The following R3HCC1 variants were observed in gnomAD, a reference collection of about 807,000 sequenced individuals.
R3HCC1 encodes R3H and coiled-coil domain-containing protein 1.
In R3HCC1, 32 loss-of-function variants were observed where a neutral mutation model predicts 40.0. That is an observed-to-expected ratio of 0.80 (90% confidence interval 0.60 to 1.07). R3HCC1 has a LOEUF of 1.07. R3HCC1 is among the 50% of genes least tolerant of loss of function. The probability of loss-of-function intolerance (pLI) is 0.00; values close to 1 mark genes in which losing one functional copy is unlikely to be tolerated. For missense variants in R3HCC1, 586 were observed against 563.3 expected (o/e 1.04, Z -0.41); for synonymous variants, 237 against 232.8 (o/e 1.02, Z -0.17).
chr8:23,288,276 G>T (rs2117117509), intron 1 of R3HCC1, 119 bp downstream of exon 1: 2 of 1,133,812 alleles, frequency 1.8e-6, no homozygotes, highest in South Asian at 1.6e-5. Flanking sequence ...GCAGCGCAGG[G>T]TGTGGAGCCA....
At chr8:23,288,809 A>T (rs1009594828) in intron 2 of R3HCC1, among the ~76,000 whole-genome samples, 176 bp downstream of exon 2, 13 of 152,134 alleles carry the variant, frequency 8.5e-5, no homozygotes, top group Admixed American at 8.5e-4. Context: ...CATCACCCCC[A>T]GACTGATGGG....
intron 7 of R3HCC1, 105 bp downstream of exon 7, chr8:23,294,969 C>T (rs1242382736): frequency 2.3e-6 from 2 of 857,750 alleles, no homozygotes; most frequent in Non-Finnish European, 3.8e-6. Context: ...CAGGGTCTTC[C>T]CCTCTGTTAA....
At chr8:23,288,196 C>A in intron 1 of R3HCC1, 39 bp downstream of exon 1, 1 of 1,203,826 alleles carries the variant, frequency 8.3e-7, no homozygotes, top group South Asian at 1.6e-5. Flanking sequence ...CGTCCCGACC[C>A]CCGGGCTCCC....
In R3HCC1 at chr8:23,290,143, G is replaced by A; in HGVS notation, c.526G>A (p.Gly176Arg). Reference sequence around the variant, plus strand: ...AGAAGAGCCTGGAGATGTTGGTGCTGGAGACCCCAACTCTGATCAGGGACT... The same window carrying A: ...AGAAGAGCCTGGAGATGTTGGTGCTAGAGACCCCAACTCTGATCAGGGACT... Residue 176 changes from glycine to arginine, a missense_variant, in exon 4 of 8, where the codon GGA becomes AGA. Gly to Arg is a moderately radical substitution (Grantham distance 125). Transcript: ENST00000265806. 4 of 1,551,572 alleles carry A rather than the reference G, an allele frequency of 2.6e-6. No homozygotes were observed. The highest frequency in any genetic ancestry group is 3.5e-6 in the Non-Finnish European group (4 of 1,146,980).
Position 23,288,495 on chromosome 8 carries a change from C to G in R3HCC1, c.-18-11C>G. 6.5e-7 allele frequency: 1 copy of G among 1,535,760 alleles called. No individual in the cohort carries two copies. The highest frequency in any genetic ancestry group is 8.7e-7 in the Non-Finnish European group (1 of 1,146,672). ...TGCTCTGATTCCCGGCCCTGCCCGT[C>G]TCTCTTACAGGCTCTCCCACCTGTC... On this transcript the variant is annotated splice_polypyrimidine_tract_variant and intron_variant, in intron 1 of 7. Transcript: ENST00000265806.
chr8:23,290,473 A>T lies in R3HCC1; in HGVS notation c.852+4A>T. On this transcript the variant is annotated splice_donor_region_variant and intron_variant, in intron 4 of 7. Transcript: ENST00000265806. ...TTACAGTGAGCTGCTGCAGGAGGTG[A>T]TGAGGCTCTTGAGCCCGAAAAGGGA... The T allele has an allele frequency of 6.5e-7, 1 of 1,546,176 alleles. No homozygotes were observed. Among genetic ancestry groups the T allele is most frequent in the Non-Finnish European group, 8.7e-7 (1 of 1,144,176 alleles).
intron 5 of R3HCC1, among the ~76,000 whole-genome samples, chr8:23,292,126 T>G (rs376977458): frequency 8.5e-5 from 13 of 152,344 alleles, no homozygotes; most frequent in East Asian, 3.9e-4. Flanking sequence ...GCTCAGGCTT[T>G]CTTTCTCCTC....
chr8:23,290,068 C>A lies in R3HCC1; in HGVS notation c.451C>A (p.Leu151Met). The change falls in exon 4 of 8, where the codon CTG becomes ATG. Residue 151 changes from leucine (L) to methionine (M), a missense_variant. By Grantham distance (15) the Leu-to-Met change is conservative. Transcript: ENST00000265806. Reference sequence around the variant, plus strand: ...GCTGCGCAGGCAGGAAGAATGGGGGCTGACCTCTACCTCGGTGCTCAAGAG... The same window carrying A: ...GCTGCGCAGGCAGGAAGAATGGGGGATGACCTCTACCTCGGTGCTCAAGAG... 6.5e-7 allele frequency: 1 copy of A among 1,548,628 alleles called. No homozygotes were observed. Among genetic ancestry groups the A allele is most frequent in the Non-Finnish European group, 8.7e-7 (1 of 1,146,996 alleles).
chr8:23,291,507 C>T lies in R3HCC1; in HGVS notation c.999C>T (p.Asp333=). The change falls in exon 5 of 8, where the codon GAC becomes GAT. Residue 333 remains aspartate, a synonymous_variant. Transcript: ENST00000265806. ...TTGAACCAGCGCTCAAGACGGAGGACCTGCTGGCAACGTTTTCTGAGTTCC... is the reference window on the plus strand; with the variant it reads ...TTGAACCAGCGCTCAAGACGGAGGATCTGCTGGCAACGTTTTCTGAGTTCC... 1.9e-6 allele frequency: 3 copies of T among 1,551,286 alleles called. No individual in the cohort carries two copies. Among genetic ancestry groups the T allele is most frequent in the Non-Finnish European group, 2.6e-6 (3 of 1,146,956 alleles).
At chr8:23,293,645 G>C (rs1007674649) in intron 6 of R3HCC1, among the ~76,000 whole-genome samples, 1 of 152,194 alleles carries the variant, frequency 6.6e-6, no homozygotes, top group Admixed American at 6.5e-5. Context: ...AAGGTCGTGA[G>C]CCAAGCCCAA....
At chr8:23,291,196 T>G in intron 4 of R3HCC1, 165 bp from the exon 5 acceptor site, 1 of 922,972 alleles carries the variant, frequency 1.1e-6, no homozygotes, top group Middle Eastern at 3.5e-4. Flanking sequence ...GTAAAACCCA[T>G]GCGTCTTGAC....
At chr8:23,294,106 G>T (rs1279430027) in intron 6 of R3HCC1, among the ~76,000 whole-genome samples, 1 of 152,322 alleles carries the variant, frequency 6.6e-6, no homozygotes, top group East Asian at 1.9e-4. Flanking sequence ...GGCCCTGGCA[G>T]CATTTAGGGA....
Position 23,293,319 on chromosome 8 carries a change from A to G in R3HCC1, c.1042A>G (p.Ile348Val). 6.4e-7 allele frequency: 1 copy of G among 1,551,222 alleles called. No homozygotes were observed. Among genetic ancestry groups the G allele is most frequent in the Non-Finnish European group, 8.7e-7 (1 of 1,146,878 alleles). Residue 348 changes from isoleucine to valine, a missense_variant, in exon 6 of 8, where the codon ATT (isoleucine) becomes GTT (valine). Coordinates refer to ENST00000265806, the MANE Select transcript of R3HCC1 (RefSeq NM_001136108.3). ...GCCGCACAGAGAGAAGGGGTTCAGG[A>G]TTCAGTGGGTGGATGATACTCACGC...
At position 23,295,898 on chromosome 8, in the gene R3HCC1, G is replaced by A; in HGVS notation, c.1193-69G>A. The A allele has an allele frequency of 8.7e-6, 13 of 1,487,342 alleles. No individual in the cohort carries two copies. In the South Asian group the frequency reaches 1.6e-4, roughly 18 times the overall value. 92.1% of individuals were successfully genotyped at this position (1,487,342 alleles called of 1,614,324 possible). On this transcript the variant is annotated intron_variant, in intron 7 of 7. Coordinates refer to ENST00000265806, the MANE Select transcript of R3HCC1 (RefSeq NM_001136108.3). ...GCTGGCTCTGATGGCTTGTACGGCT[G>A]CTGTGTTGCTGGGGGAGAGGCAGCC...
chr8:23,290,124 G>T lies in R3HCC1; in HGVS notation c.507G>T (p.Glu169Asp), dbSNP rs1406403941. ...CCCCAGCTGGCAGGGACCCAGAAGAGCCTGGAGATGTTGGTGCTGGAGACC... is the reference window on the plus strand; with the variant it reads ...CCCCAGCTGGCAGGGACCCAGAAGATCCTGGAGATGTTGGTGCTGGAGACC... Residue 169 changes from glutamate (E) to aspartate (D), a missense_variant, in exon 4 of 8, where the codon GAG becomes GAT. By Grantham distance (45) the Glu-to-Asp change is conservative (BLOSUM62 2). Transcript: ENST00000265806. 10 of 1,551,250 alleles carry T rather than the reference G, an allele frequency of 6.4e-6. No individual in the cohort carries two copies. Among genetic ancestry groups the T allele is most frequent in the Non-Finnish European group, 8.7e-6 (10 of 1,147,018 alleles).
At chr8:23,288,702 C>T in intron 2 of R3HCC1, 69 bp downstream of exon 2, 2 of 1,513,978 alleles carry the variant, frequency 1.3e-6, no homozygotes, top group Non-Finnish European at 1.8e-6. Context: ...CGCCTGTGTG[C>T]CCTCCCCCAG....
intron 6 of R3HCC1, 145 bp from the exon 7 acceptor site, chr8:23,294,624 T>G (rs1200182542): frequency 1.5e-6 from 1 of 655,732 alleles, no homozygotes; most frequent in African/African-American, 1.8e-5. Flanking sequence ...GGCAGTCGTC[T>G]CTTGCCCATC....
At position 23,289,910 on chromosome 8, in the gene R3HCC1, C is replaced by CCT; in HGVS notation, c.295_296dup (p.Cys100ProfsTer53). The CCT allele has an allele frequency of 6.5e-7, 1 of 1,533,962 alleles. No individual in the cohort carries two copies. The highest frequency in any genetic ancestry group is 8.7e-7 in the Non-Finnish European group (1 of 1,145,524). On this transcript the variant is annotated frameshift_variant, in exon 4 of 8. Transcript: ENST00000265806. LOFTEE classifies it high-confidence loss of function. ...CTCTCTGGCCCCTGCCGCGCTCCTG[C>CCT]CTCCTGCCCCAGCAGGTACCACGGT... is the stretch of plus-strand genomic sequence containing the variant.
Position 23,294,855 on chromosome 8 carries a change from C to G in R3HCC1, c.1183C>G (p.Gln395Glu). Residue 395 changes from glutamine to glutamate, a missense_variant, in exon 7 of 8, where the codon CAG (glutamine) becomes GAG (glutamate). By Grantham distance (29) the Gln-to-Glu change is conservative. Coordinates refer to ENST00000265806, the MANE Select transcript of R3HCC1 (RefSeq NM_001136108.3). The stretch of plus-strand genomic sequence containing the variant: ...CAAGCAGTCAAAGCTCAAAGCCTTG[C>G]AGAGGCCAAGTAAGGAAAGCGCATG... 3 of 1,550,688 alleles carry G rather than the reference C, an allele frequency of 1.9e-6. No homozygotes were observed. The highest frequency in any genetic ancestry group is 2.6e-6 in the Non-Finnish European group (3 of 1,146,346).
Sources: allele counts gnomAD v4.1 joint callset (sites outside exome capture counted in the v4.1 genomes callset), GRCh38; gene constraint gnomAD v4.1.1; transcripts MANE v1.5; gene names NCBI Gene and HGNC (gene_info 2026-07-23, HGNC 2026-07-21).